The following CYTH3 variants were observed in gnomAD, a reference collection of about 807,000 sequenced individuals.
CYTH3 encodes cytohesin-3.
Under a neutral mutation model 55.1 loss-of-function variants are expected in CYTH3, and 23 were observed. The observed-to-expected ratio is 0.42, with a 90% CI of 0.30 to 0.59. CYTH3 has a LOEUF of 0.59. Ranked by LOEUF, CYTH3 falls within the 20% of genes least tolerant of loss-of-function variation. The pLI is 0.20. For synonymous variants in CYTH3, 249 were observed against 194.9 expected (o/e 1.28, Z -2.31); for missense variants, 413 against 524.8 (o/e 0.79, Z 2.08).
intron 1 of CYTH3, among the ~76,000 whole-genome samples, chr7:6,255,756 CTGTTTTT>C (rs1342833712): frequency 3.7e-4 from 47 of 126,380 alleles, no homozygotes; most frequent in African/African-American, 1.6e-3. Context: ...GACCTTTAAT[CTGTTTTT>C]TTTTTTTTTT....
intron 1 of CYTH3, among the ~76,000 whole-genome samples, chr7:6,238,229 AT>A (rs146448870): frequency 0.012 from 1,818 of 152,240 alleles, 33 homozygotes; most frequent in African/African-American, 0.04. Flanking sequence ...TCACTTCAAT[AT>A]TTTTTTAATT....
chr7:6,212,427 C>G (rs986988885), intron 1 of CYTH3, among the ~76,000 whole-genome samples: 13 of 152,092 alleles, frequency 8.5e-5, no homozygotes, highest in African/African-American at 3.1e-4. Flanking sequence ...CTCCCCAATT[C>G]TCCCTTTCCC....
chr7:6,166,649 C>T (rs1341402654), intron 9 of CYTH3, among the ~76,000 whole-genome samples: 1 of 152,146 alleles, frequency 6.6e-6, no homozygotes, highest in African/African-American at 2.4e-5. Context: ...GGGGCTTTCC[C>T]TGTTGGGGCC....
rs182776850 is a variant in CYTH3, at chr7:6,271,554, G to C, written c.34+920C>G. 1.6e-3 allele frequency among the ~76,000 whole-genome samples: 249 copies of C among 151,654 alleles called. 2 individuals are homozygous for C. Among genetic ancestry groups the C allele is most frequent in the African/African-American group, 5.8e-3 (239 of 41,298 alleles). ...GTAAAAACACGGGCATTAACCCTTTGCTTTCCAAAGCGAACACCCACTCCA... is the reference window on the plus strand; with the variant it reads ...GTAAAAACACGGGCATTAACCCTTTCCTTTCCAAAGCGAACACCCACTCCA... On this transcript the variant is annotated intron_variant, in intron 1 of 12. Coordinates refer to ENST00000350796, the MANE Select transcript of CYTH3 (RefSeq NM_004227.4).
intron 1 of CYTH3, among the ~76,000 whole-genome samples, chr7:6,214,232 G>A (rs1292455157): frequency 6.6e-6 from 1 of 152,148 alleles, no homozygotes; most frequent in Non-Finnish European, 1.5e-5. Context: ...GAGCCTAGGT[G>A]GGGGGTTTAC....
chr7:6,204,788 G>A (rs550865828), intron 1 of CYTH3, among the ~76,000 whole-genome samples: 16 of 152,304 alleles, frequency 1.1e-4, no homozygotes, highest in African/African-American at 3.9e-4. Context: ...TATGTTTCCT[G>A]TATCGAACTA....
intron 1 of CYTH3, among the ~76,000 whole-genome samples, chr7:6,245,796 C>G (rs1040839404): frequency 6.6e-6 from 1 of 152,168 alleles, no homozygotes; most frequent in African/African-American, 2.4e-5. Flanking sequence ...CCCAGCTACT[C>G]AGGAAGCTGA....
chr7:6,242,669 T>C (rs1779705954), intron 1 of CYTH3, among the ~76,000 whole-genome samples: 1 of 152,022 alleles, frequency 6.6e-6, no homozygotes, highest in Non-Finnish European at 1.5e-5. Context: ...AGAGGGGCCT[T>C]CTTAAGGGAC....
intron 12 of CYTH3, 73 bp downstream of exon 12, chr7:6,165,200 G>C: frequency 6.4e-7 from 1 of 1,568,410 alleles, no homozygotes; most frequent in Non-Finnish European, 8.6e-7. Flanking sequence ...AAGCATCCAT[G>C]TTCCAGACCA....
intron 1 of CYTH3, among the ~76,000 whole-genome samples, chr7:6,224,772 C>T (rs1779198119): frequency 6.6e-6 from 1 of 152,196 alleles, no homozygotes; most frequent in South Asian, 2.1e-4. Flanking sequence ...TTCATAGCAG[C>T]ATGATTTACA....
chr7:6,219,618 G>T (rs773578395), intron 1 of CYTH3, among the ~76,000 whole-genome samples: 2 of 152,150 alleles, frequency 1.3e-5, no homozygotes, highest in Non-Finnish European at 2.9e-5. Flanking sequence ...CAAAAGCCAG[G>T]AATAGAAACA....
chr7:6,214,169 G>C (rs759043189), intron 1 of CYTH3, among the ~76,000 whole-genome samples: 9 of 152,232 alleles, frequency 5.9e-5, no homozygotes, highest in Non-Finnish European at 1.3e-4. Flanking sequence ...GGATCGATGA[G>C]AGACGGATAA....
intron 5 of CYTH3, among the ~76,000 whole-genome samples, chr7:6,176,857 T>C (rs1783364220): frequency 6.6e-6 from 1 of 152,202 alleles, no homozygotes; most frequent in Non-Finnish European, 1.5e-5. Flanking sequence ...GGGTTTTTTA[T>C]AGGTACCCTC....
chr7:6,245,312 T>C (rs1779781529), intron 1 of CYTH3, among the ~76,000 whole-genome samples: 1 of 152,080 alleles, frequency 6.6e-6, no homozygotes, highest in South Asian at 2.1e-4. Flanking sequence ...ATTCTAAATT[T>C]TCATTTTGAT....
At chr7:6,193,423 A>G (rs1783850271) in intron 1 of CYTH3, among the ~76,000 whole-genome samples, 1 of 152,082 alleles carries the variant, frequency 6.6e-6, no homozygotes, top group African/African-American at 2.4e-5. Flanking sequence ...TGTAGTAATC[A>G]TAATTAGCAA....
At chr7:6,195,509 C>T (rs2128545374) in intron 1 of CYTH3, among the ~76,000 whole-genome samples, 1 of 152,178 alleles carries the variant, frequency 6.6e-6, no homozygotes, top group Non-Finnish European at 1.5e-5. Context: ...GGCTGGAGTA[C>T]AATGGCACGA....
chr7:6,173,210 TC>T, intron 6 of CYTH3: 1 of 287,142 alleles, frequency 3.5e-6, no homozygotes, highest in Non-Finnish European at 5.5e-6. Context: ...CAAGGGGGCA[TC>T]CAGGGAGTGT....
chr7:6,179,015 G>A (rs969595128), intron 4 of CYTH3, among the ~76,000 whole-genome samples: 1 of 152,210 alleles, frequency 6.6e-6, no homozygotes, highest in African/African-American at 2.4e-5. Context: ...GCTTTATCCA[G>A]CTAAGACTCT....
chr7:6,268,463 C>A (rs536263935), intron 1 of CYTH3, among the ~76,000 whole-genome samples: 1 of 152,214 alleles, frequency 6.6e-6, no homozygotes, highest in Admixed American at 6.5e-5. Flanking sequence ...AGCCGCCGCG[C>A]CCGGCCTGCT....
Sources: allele counts gnomAD v4.1 joint callset (sites outside exome capture counted in the v4.1 genomes callset), GRCh38; gene constraint gnomAD v4.1.1; transcripts MANE v1.5; gene names NCBI Gene and HGNC (gene_info 2026-07-23, HGNC 2026-07-21).